The following STAU2 variants were observed in gnomAD, a reference collection of about 807,000 sequenced individuals.
STAU2 encodes double-stranded RNA-binding protein Staufen homolog 2.
Under a neutral mutation model 65.9 loss-of-function variants are expected in STAU2, and 20 were observed. That is an observed-to-expected ratio of 0.30 (90% CI 0.21 to 0.44). The LOEUF (loss-of-function observed/expected upper bound fraction) is 0.44. Among genes scored for constraint, STAU2 ranks in the 20% least tolerant of loss-of-function variants. STAU2 has a pLI of 1.00. For synonymous variants in STAU2, 232 were observed against 233.9 expected, an observed-to-expected ratio of 0.99 and a Z score of 0.07; for missense variants, 558 against 683.9, an observed-to-expected ratio of 0.82 and a Z score of 2.05.
At chr8:73,490,601 A>G (rs1821109960) in intron 13 of STAU2, among the ~76,000 whole-genome samples, 1 of 152,068 alleles carries the variant, frequency 6.6e-6, no homozygotes, top group African/African-American at 2.4e-5. Context: ...CTTAAAAGGA[A>G]TAAAAGATTC....
chr8:73,442,349 G>A (rs375966670), intron 13 of STAU2, among the ~76,000 whole-genome samples: 75 of 94,362 alleles, frequency 7.9e-4, no homozygotes, highest in Admixed American at 3.2e-3. Context: ...GCGAGACTCC[G>A]TCTCAAAAAA....
chr8:73,453,675 A>T (rs1224068227), intron 13 of STAU2, among the ~76,000 whole-genome samples: 1 of 152,224 alleles, frequency 6.6e-6, no homozygotes, highest in Admixed American at 6.5e-5. Context: ...GCACAGAAGG[A>T]GAAAAAAAAT....
chr8:73,743,466 ATTTTTTTTT>A (rs10564049), intron 1 of STAU2, among the ~76,000 whole-genome samples: 1 of 94,000 alleles, frequency 1.1e-5, no homozygotes, highest in African/African-American at 4.0e-5. Context: ...CTTCTTTTTA[ATTTTTTTTT>A]TTTTTTTTTT....
At chr8:73,620,695 T>C (rs1174317756) in intron 6 of STAU2, among the ~76,000 whole-genome samples, 1 of 152,126 alleles carries the variant, frequency 6.6e-6, no homozygotes, top group Admixed American at 6.5e-5. Context: ...AAAAATTAAG[T>C]ATGTTGCATT....
chr8:73,665,340 T>C (rs1817155567), intron 6 of STAU2, among the ~76,000 whole-genome samples: 1 of 152,188 alleles, frequency 6.6e-6, no homozygotes, highest in Non-Finnish European at 1.5e-5. Flanking sequence ...GTGTAAAGCA[T>C]ATGAGAAAAG....
chr8:73,608,647 T>A (rs1812214229), intron 9 of STAU2, among the ~76,000 whole-genome samples: 1 of 149,218 alleles, frequency 6.7e-6, no homozygotes, highest in Non-Finnish European at 1.5e-5. Context: ...AAAAGAAATA[T>A]TAGCTAACAG....
intron 9 of STAU2, among the ~76,000 whole-genome samples, chr8:73,605,226 T>C (rs1035824823): frequency 6.6e-6 from 1 of 151,368 alleles, no homozygotes; most frequent in African/African-American, 2.4e-5. Context: ...AAGATCTAAA[T>C]AGTCAATACA....
At chr8:73,569,945 A>G (rs1246385618) in intron 12 of STAU2, among the ~76,000 whole-genome samples, 2 of 152,234 alleles carry the variant, frequency 1.3e-5, no homozygotes, top group Admixed American at 1.3e-4. Context: ...GCAACGGAAA[A>G]AAGCTGGATG....
chr8:73,742,547 A>T (rs891278294), intron 1 of STAU2, among the ~76,000 whole-genome samples: 15 of 149,658 alleles, frequency 1.0e-4, no homozygotes, highest in East Asian at 3.9e-4. Context: ...AAAAATAATT[A>T]AAAAAAAAAT....
At chr8:73,474,560 T>TC (rs35710699) in intron 13 of STAU2, among the ~76,000 whole-genome samples, 95,482 of 151,824 alleles carry the variant, frequency 0.63, 30,613 homozygotes, top group East Asian at 0.91. Flanking sequence ...TGAGCATTGT[T>TC]ATGGTTGGGT....
chr8:73,718,480 T>C (rs1821411934), intron 3 of STAU2, among the ~76,000 whole-genome samples: 1 of 152,244 alleles, frequency 6.6e-6, no homozygotes, highest in Non-Finnish European at 1.5e-5. Context: ...GCTTACAGTA[T>C]GAAACCCAAA....
chr8:73,440,045 G>A (rs916944641), intron 13 of STAU2: 8 of 152,218 alleles, frequency 5.3e-5, no homozygotes, highest in Non-Finnish European at 1.0e-4. Flanking sequence ...TTAATCAGCC[G>A]CTTCCATTTT....
intron 5 of STAU2, among the ~76,000 whole-genome samples, chr8:73,684,037 A>C (rs1818617837): frequency 6.6e-6 from 1 of 152,168 alleles, no homozygotes; most frequent in African/African-American, 2.4e-5. Flanking sequence ...TACTGCCAAA[A>C]GCTATCTACA....
At chr8:73,445,625 G>C (rs1322440401) in intron 13 of STAU2, among the ~76,000 whole-genome samples, 1 of 152,176 alleles carries the variant, frequency 6.6e-6, no homozygotes, top group East Asian at 1.9e-4. Context: ...CAGAGGGCCA[G>C]TATCTGGAAT....
intron 6 of STAU2, among the ~76,000 whole-genome samples, chr8:73,657,382 C>A (rs1816462139): frequency 6.6e-6 from 1 of 152,000 alleles, no homozygotes; most frequent in Admixed American, 6.6e-5. Context: ...GAAAAATAAA[C>A]CTTTTATTAA....
chr8:73,607,218 A>G lies in STAU2; in HGVS notation c.892-3355T>C, dbSNP rs16938700. 6.7e-3 allele frequency among the ~76,000 whole-genome samples: 1,027 copies of G among 152,338 alleles called. 20 individuals carry two copies. Among genetic ancestry groups the G allele is most frequent in the African/African-American group, 0.024 (977 of 41,562 alleles). ...TTAGAAAAACAAACATAGTAAAACT[A>G]TAAGGTAGGAAATGGTCATACAAAA... On this transcript the variant is annotated intron_variant, in intron 9 of 14. Transcript: ENST00000524300.
intron 6 of STAU2, among the ~76,000 whole-genome samples, chr8:73,622,810 T>C (rs922642841): frequency 2.6e-5 from 4 of 152,212 alleles, no homozygotes; most frequent in Non-Finnish European, 5.9e-5. Context: ...CACAAGTGCA[T>C]GACGTAAAAT....
At position 73,484,384 on chromosome 8, in the gene STAU2, G is replaced by A. The variant is rs75120523; in HGVS notation, c.1531-61682C>T. On this transcript the variant is annotated intron_variant, in intron 13 of 14. Transcript: ENST00000524300. ...TACTTCTGAATATATTATTTCTATC[G>A]CAAGTGACTACATAATGGAATAGAG... is the stretch of plus-strand genomic sequence containing the variant. 8.8e-4 allele frequency among the ~76,000 whole-genome samples: 134 copies of A among 152,136 alleles called. 2 individuals carry two copies. In the East Asian group the frequency reaches 0.023, roughly 26 times the overall value.
chr8:73,422,739 A>G, intron 13 of STAU2, 37 bp from the exon 14 acceptor site: 1 of 1,324,252 alleles, frequency 7.6e-7, no homozygotes, highest in Non-Finnish European at 1.0e-6. Context: ...CCATTCACTG[A>G]CTCTAGTGTA....
Sources: allele counts gnomAD v4.1 joint callset (sites outside exome capture counted in the v4.1 genomes callset), GRCh38; gene constraint gnomAD v4.1.1; transcripts MANE v1.5; gene names NCBI Gene and HGNC (gene_info 2026-07-23, HGNC 2026-07-21).